The following PPP6R2 variants were observed in gnomAD, a reference collection of about 807,000 sequenced individuals.
The protein encoded by PPP6R2 is serine/threonine-protein phosphatase 6 regulatory subunit 2.
A neutral mutation model predicts 100.2 loss-of-function variants in PPP6R2; 62 were observed. That is an observed-to-expected ratio of 0.62 (90% CI 0.50 to 0.76). PPP6R2 has a LOEUF of 0.76. PPP6R2 is among the 30% of genes least tolerant of loss of function. The pLI is 0.00. For missense variants in PPP6R2, 1,142 were observed against 1,276.3 expected (o/e 0.89, Z 1.60); for synonymous variants, 525 against 514.7 (o/e 1.02, Z -0.27).
rs146706692 is a variant in PPP6R2, at chr22:50,425,659, G to A, written c.1125+2045G>A. Among the ~76,000 whole-genome samples the A allele has an allele frequency of 2.7e-3, 410 of 152,060 alleles. 4 individuals carry two copies. The highest frequency in any genetic ancestry group is 9.4e-3 in the African/African-American group (392 of 41,484). ...TTCTCCTCATCCTCCCCCTCATCCC[G>A]CCGACACTTGTCTTCCTTCTTCTGA... is the stretch of plus-strand genomic sequence containing the variant. On this transcript the variant is annotated intron_variant, in intron 10 of 23. Coordinates refer to ENST00000612753, the MANE Select transcript of PPP6R2 (RefSeq NM_001242898.2).
At chr22:50,415,561 A>G (rs1361327846) in intron 5 of PPP6R2, among the ~76,000 whole-genome samples, 1 of 152,208 alleles carries the variant, frequency 6.6e-6, no homozygotes, top group Non-Finnish European at 1.5e-5. Flanking sequence ...CCATTTTTGG[A>G]TAAGGAATTT....
chr22:50,378,315 C>T (rs1006199661), intron 2 of PPP6R2, among the ~76,000 whole-genome samples: 2 of 152,052 alleles, frequency 1.3e-5, no homozygotes, highest in Admixed American at 6.6e-5. Flanking sequence ...AGGCTGGGTG[C>T]GGTGGGTCAC....
chr22:50,428,063 C>G (rs1318334364), intron 10 of PPP6R2, among the ~76,000 whole-genome samples: 1 of 151,124 alleles, frequency 6.6e-6, no homozygotes, highest in African/African-American at 2.4e-5. Flanking sequence ...CCATGTTGGC[C>G]AGGTTGGTCT....
At chr22:50,389,327 G>T (rs117246629) in intron 2 of PPP6R2, among the ~76,000 whole-genome samples, 3,002 of 152,284 alleles carry the variant, frequency 0.02, 48 homozygotes, top group East Asian at 0.077. Context: ...GAAATGGAAG[G>T]CCTTCCCTGT....
chr22:50,370,477 TG>T (rs1569312964), intron 1 of PPP6R2, among the ~76,000 whole-genome samples: 1 of 150,664 alleles, frequency 6.6e-6, no homozygotes. Flanking sequence ...TTAGTAGAGA[TG>T]GGGTTTCACT....
intron 2 of PPP6R2, among the ~76,000 whole-genome samples, chr22:50,373,879 A>G (rs2050855758): frequency 6.6e-6 from 1 of 152,022 alleles, no homozygotes; most frequent in Admixed American, 6.6e-5. Flanking sequence ...GATTACAGGC[A>G]CCAGCCACCA....
At chr22:50,429,388 G>T (rs143042707) in intron 10 of PPP6R2, among the ~76,000 whole-genome samples, 2 of 152,070 alleles carry the variant, frequency 1.3e-5, no homozygotes, top group African/African-American at 4.8e-5. Flanking sequence ...TTTGGCTTTC[G>T]TCCTTTATCC....
chr22:50,402,605 C>A (rs2058235206), intron 3 of PPP6R2, among the ~76,000 whole-genome samples: 1 of 152,162 alleles, frequency 6.6e-6, no homozygotes, highest in East Asian at 1.9e-4. Flanking sequence ...CTTCACGTGG[C>A]CGGCTGCTTC....
intron 9 of PPP6R2, 66 bp downstream of exon 9, chr22:50,422,446 G>A (rs949853714): frequency 9.2e-5 from 146 of 1,586,042 alleles, no homozygotes; most frequent in Non-Finnish European, 1.2e-4. Context: ...TTTGCAGGGA[G>A]GAGAAGCCAC....
upstream of PPP6R2, among the ~76,000 whole-genome samples, chr22:50,340,367 G>GTGGTATGTGGTGTGTA (rs1353665726): frequency 2.2e-5 from 3 of 137,424 alleles, no homozygotes; most frequent in Non-Finnish European, 4.7e-5. Flanking sequence ...TATGGAGTGT[G>GTGGTATGTGGTGTGTA]TGGTATGTGG....
rs539694401 is a variant in PPP6R2, at chr22:50,364,892, C to T, written c.-147-7128C>T. Reference sequence around the variant, plus strand: ...GCTTACAGCAGAAGTACGGTGTATTCTTTATTCCCTGTTTGTCTTTTTCTA... The same window carrying T: ...GCTTACAGCAGAAGTACGGTGTATTTTTTATTCCCTGTTTGTCTTTTTCTA... On this transcript the variant is annotated intron_variant, in intron 1 of 23. Transcript: ENST00000612753. Among the ~76,000 whole-genome samples, 85 of 152,118 alleles carry T rather than the reference C, an allele frequency of 5.6e-4. 1 individual carries two copies. Among genetic ancestry groups the T allele is most frequent in the African/African-American group, 2.0e-3 (83 of 41,516 alleles).
At chr22:50,397,708 GCC>G (rs1372758252) in intron 3 of PPP6R2, among the ~76,000 whole-genome samples, 3 of 32,798 alleles carry the variant, frequency 9.1e-5, no homozygotes, top group African/African-American at 3.0e-4. Flanking sequence ...GTCCTCACCA[GCC>G]TTGTCATCTC....
intron 23 of PPP6R2, 21 bp downstream of exon 23, chr22:50,444,138 G>T: frequency 6.2e-6 from 10 of 1,611,872 alleles, no homozygotes; most frequent in Non-Finnish European, 8.5e-6. Context: ...TGAGTGTGGG[G>T]GTAGGGGGTG....
At chr22:50,331,976 G>A in the PPP6R2 span, among the ~76,000 whole-genome samples, 1 of 151,770 alleles carries the variant, frequency 6.6e-6, no homozygotes, top group Non-Finnish European at 1.5e-5. Context: ...TGTTGCCCAG[G>A]CTGGTCTTGA....
chr22:50,334,530 T>C, the PPP6R2 span, among the ~76,000 whole-genome samples: 3 of 152,224 alleles, frequency 2.0e-5, no homozygotes, highest in Admixed American at 1.3e-4. Flanking sequence ...TCTCGTCGTA[T>C]ATGTTTCCTT....
At chr22:50,385,478 A>G (rs2054014152) in intron 2 of PPP6R2, among the ~76,000 whole-genome samples, 2 of 142,030 alleles carry the variant, frequency 1.4e-5, no homozygotes, top group African/African-American at 5.3e-5. Flanking sequence ...GGATTACAGC[A>G]TGAGCCACCA....
intron 2 of PPP6R2, among the ~76,000 whole-genome samples, chr22:50,386,223 A>T (rs2054231030): frequency 6.6e-6 from 1 of 151,080 alleles, no homozygotes; most frequent in African/African-American, 2.4e-5. Context: ...GCTCACTGCA[A>T]CCTCTGCCTG....
chr22:50,349,943 C>T (rs1020709131), intron 1 of PPP6R2, among the ~76,000 whole-genome samples: 1 of 151,610 alleles, frequency 6.6e-6, no homozygotes, highest in African/African-American at 2.4e-5. Context: ...CATGGTGAAA[C>T]TCCGTCTCTA....
intron 1 of PPP6R2, among the ~76,000 whole-genome samples, chr22:50,355,181 C>A (rs1344213150): frequency 6.6e-6 from 1 of 151,760 alleles, no homozygotes. Context: ...TAGGGATACT[C>A]CTCCTATATT....
Sources: allele counts gnomAD v4.1 joint callset (sites outside exome capture counted in the v4.1 genomes callset), GRCh38; gene constraint gnomAD v4.1.1; transcripts MANE v1.5; gene names NCBI Gene and HGNC (gene_info 2026-07-23, HGNC 2026-07-21).